The following TRMT11 variants were observed in gnomAD, a reference collection of about 807,000 sequenced individuals.
TRMT11 encodes tRNA methyltransferase 11.
Under a neutral mutation model 62.8 loss-of-function variants are expected in TRMT11, and 53 were observed. The observed-to-expected ratio is 0.84, with a 90% CI of 0.68 to 1.06. The LOEUF (loss-of-function observed/expected upper bound fraction) is 1.06. Ranked by LOEUF, TRMT11 falls within the 50% of genes least tolerant of loss-of-function variation. The probability of loss-of-function intolerance (pLI) is 0.00; values close to 1 mark genes in which losing one functional copy is unlikely to be tolerated. For missense variants in TRMT11, 556 were observed against 553.4 expected (o/e 1.00, Z -0.05); for synonymous variants, 188 against 190.3 (o/e 0.99, Z 0.10).
chr6:126,234,296 A>G, the TRMT11 span, among the ~76,000 whole-genome samples: 13 of 152,290 alleles, frequency 8.5e-5, no homozygotes. Context: ...TCTGATCTGT[A>G]TCTACTTGGA....
intron 17 of TRMT11, among the ~76,000 whole-genome samples, chr6:126,093,789 A>G (rs1777309721): frequency 6.6e-6 from 1 of 151,316 alleles, no homozygotes; most frequent in African/African-American, 2.4e-5. Flanking sequence ...CTTATAGTAC[A>G]TGTATACACT....
chr6:126,171,374 G>C (rs1778328438), intron 21 of TRMT11, among the ~76,000 whole-genome samples: 1 of 151,994 alleles, frequency 6.6e-6, no homozygotes, highest in Non-Finnish European at 1.5e-5. Flanking sequence ...TGGGGGTGGT[G>C]GGTGCCGGGG....
intron 16 of TRMT11, among the ~76,000 whole-genome samples, chr6:126,050,678 GAC>G (rs540092691): frequency 3.4e-4 from 52 of 150,814 alleles, no homozygotes; most frequent in African/African-American, 1.2e-3. Context: ...CAGTGTGGGT[GAC>G]ACAGTGAGAT....
chr6:126,127,776 C>T (rs1294883202), intron 21 of TRMT11, among the ~76,000 whole-genome samples: 3 of 151,420 alleles, frequency 2.0e-5, no homozygotes, highest in Non-Finnish European at 4.4e-5. Flanking sequence ...CGCCCGATCT[C>T]GTCCAAATCT....
intron 1 of TRMT11, among the ~76,000 whole-genome samples, chr6:126,189,542 T>G (rs775070386): frequency 7.9e-5 from 12 of 152,124 alleles, no homozygotes; most frequent in Non-Finnish European, 7.4e-5. Flanking sequence ...ATGGGAAAAT[T>G]GTTACTTAAT....
intron 17 of TRMT11, among the ~76,000 whole-genome samples, chr6:126,092,685 C>A (rs1326784191): frequency 3.3e-5 from 5 of 152,004 alleles, no homozygotes; most frequent in Non-Finnish European, 7.4e-5. Context: ...TGGTCTGTTT[C>A]TTTATTTCTT....
chr6:126,076,214 C>G (rs1036581837), intron 17 of TRMT11, among the ~76,000 whole-genome samples: 8 of 152,180 alleles, frequency 5.3e-5, no homozygotes, highest in African/African-American at 1.9e-4. Flanking sequence ...TGAGAACTGT[C>G]TGTCTTCCAA....
intron 17 of TRMT11, among the ~76,000 whole-genome samples, chr6:126,083,187 C>T (rs1005296154): frequency 2.6e-5 from 4 of 152,174 alleles, no homozygotes; most frequent in Non-Finnish European, 4.4e-5. Flanking sequence ...GACATTCTTT[C>T]GGTCCCTGAC....
At chr6:126,143,149 C>T (rs373432062) in intron 21 of TRMT11, among the ~76,000 whole-genome samples, 1 of 152,038 alleles carries the variant, frequency 6.6e-6, no homozygotes, top group Non-Finnish European at 1.5e-5. Context: ...TATCCTTGGT[C>T]ATTTTTCTAA....
intron 21 of TRMT11, among the ~76,000 whole-genome samples, chr6:126,146,479 A>G (rs1777976387): frequency 6.6e-6 from 1 of 151,946 alleles, no homozygotes; most frequent in African/African-American, 2.4e-5. Flanking sequence ...AGGTTTTAAT[A>G]GCATCTACCT....
chr6:126,180,055 T>C (rs1208873244), intron 1 of TRMT11, among the ~76,000 whole-genome samples: 2 of 152,082 alleles, frequency 1.3e-5, no homozygotes, highest in Admixed American at 6.6e-5. Context: ...GAATAGAATA[T>C]GCTACGTGAT....
At chr6:126,148,311 A>G (rs906337496) in intron 21 of TRMT11, among the ~76,000 whole-genome samples, 2 of 152,234 alleles carry the variant, frequency 1.3e-5, no homozygotes, top group African/African-American at 4.8e-5. Context: ...AATGACAGTG[A>G]ATATCACAAA....
intron 17 of TRMT11, among the ~76,000 whole-genome samples, chr6:126,054,973 G>A (rs1776327567): frequency 6.6e-6 from 1 of 152,080 alleles, no homozygotes; most frequent in Non-Finnish European, 1.5e-5. Flanking sequence ...GAACATTTTT[G>A]TTGTTTTTTG....
chr6:126,106,286 G>C (rs1777463507), intron 17 of TRMT11, among the ~76,000 whole-genome samples: 1 of 152,034 alleles, frequency 6.6e-6, no homozygotes, highest in Admixed American at 6.5e-5. Context: ...TGGGATTACA[G>C]GCGCCTGCCA....
At position 126,048,573 on chromosome 6, in the gene TRMT11, C is replaced by T. The variant is rs147442454; in HGVS notation, c.*1370-4550C>T. ...TCTGATGAGACCAGCTAGAATCACT[C>T]GGTTAGCTAGCACCATCCAGATTGC... On this transcript the variant is annotated intron_variant and NMD_transcript_variant, in intron 16 of 22. Coordinates refer to the TRMT11 transcript ENST00000648977. Among the ~76,000 whole-genome samples, 4 of 152,276 alleles carry T rather than the reference C, an allele frequency of 2.6e-5. No individual in the cohort carries two copies. The South Asian group carries it at 6.2e-4, about 24-fold the overall frequency.
At chr6:126,166,890 T>C (rs1233414261) in intron 21 of TRMT11, among the ~76,000 whole-genome samples, 1 of 152,096 alleles carries the variant, frequency 6.6e-6, no homozygotes, top group African/African-American at 2.4e-5. Flanking sequence ...AGTTCGAACT[T>C]CCTGGAGGCT....
the TRMT11 span, among the ~76,000 whole-genome samples, chr6:126,231,018 A>G: frequency 6.6e-6 from 1 of 152,212 alleles, no homozygotes; most frequent in Admixed American, 6.5e-5. Context: ...CTTTTTCTAC[A>G]TGACTATGTG....
the TRMT11 span, among the ~76,000 whole-genome samples, chr6:126,237,820 G>A: frequency 1.3e-5 from 2 of 152,292 alleles, no homozygotes; most frequent in African/African-American, 4.8e-5. Flanking sequence ...AGAAGAATTC[G>A]GCTGTGAATC....
At chr6:126,267,388 T>C in the TRMT11 span, among the ~76,000 whole-genome samples, 1 of 152,180 alleles carries the variant, frequency 6.6e-6, no homozygotes, top group Non-Finnish European at 1.5e-5. Flanking sequence ...TTTTAGGATT[T>C]ATGACTCTGG....
Sources: allele counts gnomAD v4.1 joint callset (sites outside exome capture counted in the v4.1 genomes callset), GRCh38; gene constraint gnomAD v4.1.1; transcripts MANE v1.5; gene names NCBI Gene and HGNC (gene_info 2026-07-23, HGNC 2026-07-21).